The following AUTS2 variants were observed in gnomAD, a reference collection of about 807,000 sequenced individuals.
The protein encoded by AUTS2 is activator of transcription and developmental regulator AUTS2.
AUTS2 carries 17 observed loss-of-function variants against 112.4 expected under a neutral mutation model. The observed-to-expected ratio is 0.15, with a 90% CI of 0.10 to 0.23. The LOEUF (loss-of-function observed/expected upper bound fraction) is 0.23. AUTS2 is among the 10% of genes least tolerant of loss of function. The pLI is 1.00. For missense variants in AUTS2, 1,510 were observed against 1,701.6 expected (o/e 0.89, Z 1.98); for synonymous variants, 751 against 702.7 (o/e 1.07, Z -1.09).
chr7:70,163,508 G>C (rs931329883), intron 4 of AUTS2, among the ~76,000 whole-genome samples: 5 of 152,170 alleles, frequency 3.3e-5, no homozygotes, highest in African/African-American at 1.2e-4. Flanking sequence ...GCTACTGGGA[G>C]AGAGGCAAGA....
intron 6 of AUTS2, among the ~76,000 whole-genome samples, chr7:70,718,455 G>A (rs2129550928): frequency 6.6e-6 from 1 of 152,322 alleles, no homozygotes; most frequent in African/African-American, 2.4e-5. Context: ...TTGAGGTCAG[G>A]AGTTGGAGAC....
intron 1 of AUTS2, among the ~76,000 whole-genome samples, chr7:69,751,397 T>C (rs1787730790): frequency 6.6e-6 from 1 of 152,146 alleles, no homozygotes; most frequent in Non-Finnish European, 1.5e-5. Flanking sequence ...CTATTGCTAA[T>C]AGTAGATGCC....
chr7:70,322,089 G>C (rs1000516044), intron 4 of AUTS2, among the ~76,000 whole-genome samples: 4 of 152,126 alleles, frequency 2.6e-5, no homozygotes, highest in African/African-American at 7.2e-5. Context: ...GGTTTTAACA[G>C]TTTGGCTTTA....
intron 5 of AUTS2, among the ~76,000 whole-genome samples, chr7:70,528,137 AT>A (rs1799932896): frequency 4.0e-5 from 5 of 124,790 alleles, no homozygotes; most frequent in Admixed American, 3.4e-4. Context: ...TGTTACACAG[AT>A]TTTTCTATAG....
chr7:70,528,356 G>C (rs3113262), intron 5 of AUTS2, among the ~76,000 whole-genome samples: 81,895 of 151,746 alleles, frequency 0.54, 23,244 homozygotes, highest in African/African-American at 0.7. Flanking sequence ...TGCAGAGCAC[G>C]CTGAGCAGGT....
intron 5 of AUTS2, among the ~76,000 whole-genome samples, chr7:70,528,478 A>G (rs138201875): frequency 3.3e-5 from 5 of 152,326 alleles, no homozygotes; most frequent in African/African-American, 7.2e-5. Flanking sequence ...CATGGAAGTA[A>G]GTAATGTATG....
At chr7:70,670,344 C>T (rs969229443) in intron 5 of AUTS2, among the ~76,000 whole-genome samples, 15 of 152,100 alleles carry the variant, frequency 9.9e-5, no homozygotes, top group African/African-American at 3.1e-4. Flanking sequence ...AAATTGATTC[C>T]ATCCACATAT....
chr7:69,833,727 G>A (rs944901865), intron 1 of AUTS2, among the ~76,000 whole-genome samples: 2 of 152,106 alleles, frequency 1.3e-5, no homozygotes, highest in African/African-American at 4.8e-5. Flanking sequence ...AAGCCACTGC[G>A]CCCGGCAATT....
chr7:70,300,682 C>T (rs987287480), intron 4 of AUTS2, among the ~76,000 whole-genome samples: 2 of 152,136 alleles, frequency 1.3e-5, no homozygotes, highest in African/African-American at 2.4e-5. Flanking sequence ...CAAGGAAGAA[C>T]GATGTTTTGG....
chr7:70,598,730 C>T (rs757700313), intron 5 of AUTS2, among the ~76,000 whole-genome samples: 4 of 152,176 alleles, frequency 2.6e-5, no homozygotes, highest in Non-Finnish European at 5.9e-5. Flanking sequence ...GTGAAAGTTT[C>T]CTTCTATGAT....
intron 5 of AUTS2, among the ~76,000 whole-genome samples, chr7:70,477,647 C>A (rs1245260039): frequency 6.6e-6 from 1 of 152,186 alleles, no homozygotes. Context: ...CAGCAATAAC[C>A]CTGAGATGAG....
intron 2 of AUTS2, among the ~76,000 whole-genome samples, chr7:69,994,586 A>G (rs1798867389): frequency 6.6e-6 from 1 of 152,222 alleles, no homozygotes; most frequent in African/African-American, 2.4e-5. Context: ...TCTTTGTTCA[A>G]CATACACTTT....
intron 4 of AUTS2, among the ~76,000 whole-genome samples, chr7:70,315,414 A>G (rs1340421319): frequency 6.6e-6 from 1 of 152,216 alleles, no homozygotes; most frequent in East Asian, 1.9e-4. Context: ...GTTTTCTCAT[A>G]CTGACTTCAG....
At chr7:70,087,844 G>A (rs564679058) in intron 2 of AUTS2, among the ~76,000 whole-genome samples, 1 of 152,238 alleles carries the variant, frequency 6.6e-6, no homozygotes, top group Non-Finnish European at 1.5e-5. Flanking sequence ...CTTGGGCCTG[G>A]AGTTTTCTTT....
At chr7:70,376,385 T>C (rs918065588) in intron 4 of AUTS2, among the ~76,000 whole-genome samples, 2 of 152,142 alleles carry the variant, frequency 1.3e-5, no homozygotes, top group African/African-American at 4.8e-5. Context: ...TCTTTTTTTT[T>C]AAACAACACT....
intron 1 of AUTS2, among the ~76,000 whole-genome samples, chr7:69,666,375 G>A (rs2129148771): frequency 6.6e-6 from 1 of 152,230 alleles, no homozygotes; most frequent in South Asian, 2.1e-4. Flanking sequence ...ACAATTTTAG[G>A]TACCCATCCT....
intron 4 of AUTS2, among the ~76,000 whole-genome samples, chr7:70,151,576 C>T (rs568928878): frequency 1.3e-5 from 2 of 152,086 alleles, no homozygotes; most frequent in Non-Finnish European, 2.9e-5. Context: ...TGGGTTCAAG[C>T]GATTCTCCTG....
chr7:69,744,273 T>C (rs936429804), intron 1 of AUTS2, among the ~76,000 whole-genome samples: 12 of 152,318 alleles, frequency 7.9e-5, no homozygotes, highest in African/African-American at 2.4e-4. Flanking sequence ...TGAACATTTA[T>C]GTACAAATCT....
intron 1 of AUTS2, among the ~76,000 whole-genome samples, chr7:69,770,471 C>G (rs1788612720): frequency 6.6e-6 from 1 of 152,108 alleles, no homozygotes; most frequent in Admixed American, 6.5e-5. Context: ...AGCATCCTGG[C>G]TACCTGAGAT....
Sources: allele counts gnomAD v4.1 joint callset (sites outside exome capture counted in the v4.1 genomes callset), GRCh38; gene constraint gnomAD v4.1.1; transcripts MANE v1.5; gene names NCBI Gene and HGNC (gene_info 2026-07-23, HGNC 2026-07-21).